The following PRKN variants were observed in gnomAD, a reference collection of about 807,000 sequenced individuals.
PRKN encodes E3 ubiquitin-protein ligase parkin.
Under a neutral mutation model 59.5 loss-of-function variants are expected in PRKN, and 56 were observed. That is an observed-to-expected ratio of 0.94 (90% confidence interval 0.76 to 1.18). PRKN has a LOEUF of 1.18. Ranked by LOEUF, PRKN falls within the 50% of genes most tolerant of loss-of-function variation. The pLI is 0.00. For synonymous variants in PRKN, 250 were observed against 222.1 expected (o/e 1.13, Z -1.12); for missense variants, 657 against 596.4 (o/e 1.10, Z -1.06).
chr6:162,599,684 C>A (rs2128216353), intron 1 of PRKN, among the ~76,000 whole-genome samples: 1 of 152,224 alleles, frequency 6.6e-6, no homozygotes, highest in Admixed American at 6.5e-5. Context: ...CACACGTGGC[C>A]ATTCTTCCCG....
chr6:162,006,042 T>G (rs992804684), intron 5 of PRKN, among the ~76,000 whole-genome samples: 2 of 152,170 alleles, frequency 1.3e-5, no homozygotes, highest in African/African-American at 4.8e-5. Context: ...TTGAACAATA[T>G]TAAGTAAATC....
In PRKN at chr6:162,636,866, G is replaced by A. The variant is rs28588902; in HGVS notation, c.7+90796C>T. Among the ~76,000 whole-genome samples, 923 of 152,068 alleles carry A rather than the reference G, an allele frequency of 6.1e-3. 6 individuals carry two copies. The highest frequency in any genetic ancestry group is 0.021 in the African/African-American group (882 of 41,502). The stretch of plus-strand genomic sequence containing the variant: ...CTGTAGTAAGTCGGGAGGCCGAAGT[G>A]GGAGGGCTGCTTGAGCCCAGGAGCT... On this transcript the variant is annotated intron_variant, in intron 1 of 11. Transcript: ENST00000366898.
intron 1 of PRKN, among the ~76,000 whole-genome samples, chr6:162,593,710 G>A (rs113709904): frequency 1.6e-3 from 250 of 152,312 alleles, no homozygotes; most frequent in East Asian, 0.01. Context: ...CTCAAGGGCA[G>A]TCACACCCAA....
intron 7 of PRKN, among the ~76,000 whole-genome samples, chr6:161,730,424 T>C (rs1037909693): frequency 4.6e-5 from 7 of 151,210 alleles, no homozygotes. Context: ...CTTTCTGATA[T>C]GTTGCATTCT....
chr6:162,571,940 AG>A (rs1299632319), intron 1 of PRKN, among the ~76,000 whole-genome samples: 3 of 152,194 alleles, frequency 2.0e-5, no homozygotes, highest in Admixed American at 6.5e-5. Flanking sequence ...AGTATAATAA[AG>A]GTACAGATGA....
chr6:162,450,429 T>TAAACG (rs1562774367), intron 1 of PRKN, among the ~76,000 whole-genome samples: 7 of 150,624 alleles, frequency 4.6e-5, no homozygotes, highest in East Asian at 1.9e-4. Context: ...CCTGTGATTG[T>TAAACG]CTTCCTCCTG....
intron 1 of PRKN, among the ~76,000 whole-genome samples, chr6:162,597,805 C>T (rs1781550087): frequency 6.6e-6 from 1 of 152,100 alleles, no homozygotes; most frequent in Non-Finnish European, 1.5e-5. Flanking sequence ...TCCACTAAGT[C>T]CTTTCAGGTT....
At chr6:162,141,140 A>G (rs1316332316) in intron 4 of PRKN, among the ~76,000 whole-genome samples, 1 of 149,296 alleles carries the variant, frequency 6.7e-6, no homozygotes, top group Non-Finnish European at 1.5e-5. Context: ...CAAAATAAAT[A>G]AATAAATAAA....
chr6:161,539,881 C>T (rs1218828292), intron 9 of PRKN, among the ~76,000 whole-genome samples: 3 of 152,274 alleles, frequency 2.0e-5, no homozygotes, highest in Non-Finnish European at 4.4e-5. Flanking sequence ...TATCAGGACA[C>T]GGATTGACCT....
At chr6:162,257,991 A>G (rs1314857370) in intron 3 of PRKN, among the ~76,000 whole-genome samples, 1 of 152,000 alleles carries the variant, frequency 6.6e-6, no homozygotes, top group Non-Finnish European at 1.5e-5. Context: ...ACCTGCTCCA[A>G]GCTCCACCCC....
At chr6:161,932,539 CTTTTAT>C (rs1288395331) in intron 6 of PRKN, among the ~76,000 whole-genome samples, 1 of 152,044 alleles carries the variant, frequency 6.6e-6, no homozygotes, top group African/African-American at 2.4e-5. Context: ...AGTTTGTATA[CTTTTAT>C]TTTTATTTTT....
intron 4 of PRKN, among the ~76,000 whole-genome samples, chr6:162,065,284 A>T (rs1778282841): frequency 6.6e-6 from 1 of 152,218 alleles, no homozygotes; most frequent in East Asian, 1.9e-4. Flanking sequence ...TAAATCTAAG[A>T]GTCCAAAGGC....
intron 1 of PRKN, among the ~76,000 whole-genome samples, chr6:162,656,242 G>C (rs752330589): frequency 6.6e-6 from 1 of 152,180 alleles, no homozygotes. Context: ...TCGGGATATA[G>C]AGAAACACAA....
intron 2 of PRKN, among the ~76,000 whole-genome samples, chr6:162,315,166 T>C (rs1186997311): frequency 6.6e-6 from 1 of 152,196 alleles, no homozygotes; most frequent in East Asian, 1.9e-4. Flanking sequence ...GTGTGTATAA[T>C]TGTTCTCTGT....
chr6:161,942,737 C>T (rs901390846), intron 6 of PRKN, among the ~76,000 whole-genome samples: 2 of 151,974 alleles, frequency 1.3e-5, no homozygotes, highest in Admixed American at 6.6e-5. Context: ...GAAGACTGTT[C>T]ATATCATTTA....
At chr6:161,367,902 G>C (rs953050682) in intron 10 of PRKN, among the ~76,000 whole-genome samples, 3 of 152,182 alleles carry the variant, frequency 2.0e-5, no homozygotes, top group African/African-American at 7.2e-5. Flanking sequence ...TTCAGCTGGA[G>C]AGATCAGTCT....
chr6:162,654,858 C>T (rs1778583095), intron 1 of PRKN, among the ~76,000 whole-genome samples: 1 of 151,938 alleles, frequency 6.6e-6, no homozygotes, highest in African/African-American at 2.4e-5. Flanking sequence ...GGGGGGAAAT[C>T]CCCCTATAAA....
intron 7 of PRKN, among the ~76,000 whole-genome samples, chr6:161,710,737 T>A (rs1201242123): frequency 6.6e-6 from 1 of 152,086 alleles, no homozygotes; most frequent in African/African-American, 2.4e-5. Context: ...AATAAGACAT[T>A]TTCTTGCTTC....
rs552068110 is a variant in PRKN at position 162,706,271 on chromosome 6, G to A, written c.7+21391C>T. On this transcript the variant is annotated intron_variant, in intron 1 of 11. Coordinates refer to ENST00000366898, the MANE Select transcript of PRKN (RefSeq NM_004562.3). ...GAAATAGAAGAAACAGATTGTGCTC[G>A]TCTTGCTTAGGGCCAACAGGCGCAC... Among the ~76,000 whole-genome samples the A allele has an allele frequency of 3.3e-5, 5 of 152,216 alleles. No homozygotes were observed. In the South Asian group the frequency reaches 6.2e-4, roughly 19 times the overall value.
Sources: gnomAD v4.1 joint callset for allele counts (sites outside exome capture counted in the v4.1 genomes callset) on GRCh38, gnomAD v4.1.1 for gene constraint, MANE v1.5 for transcripts, NCBI Gene and HGNC (gene_info 2026-07-23, HGNC 2026-07-21) for gene names.